The following MTA3 variants were observed in gnomAD, a reference collection of about 807,000 sequenced individuals.
The protein encoded by MTA3 is metastasis associated 1 family member 3, also known as metastasis-associated protein MTA3.
Under a neutral mutation model 83.5 loss-of-function variants are expected in MTA3, and 34 were observed. The observed-to-expected ratio is 0.41, with a 90% CI of 0.31 to 0.54. The LOEUF (loss-of-function observed/expected upper bound fraction) is 0.54. MTA3 is among the 20% of genes least tolerant of loss of function. The probability of loss-of-function intolerance (pLI) is 0.33; values close to 1 mark genes in which losing one functional copy is unlikely to be tolerated. For synonymous variants in MTA3, 303 were observed against 252.7 expected (o/e 1.20, Z -1.89); for missense variants, 761 against 726.4 (o/e 1.05, Z -0.55).
chr2:42,726,485 C>G (rs1291125818), intron 16 of MTA3, among the ~76,000 whole-genome samples: 1 of 152,078 alleles, frequency 6.6e-6, no homozygotes, highest in Non-Finnish European at 1.5e-5. Context: ...AGGTATACCT[C>G]CTAATGCTAT....
At chr2:42,563,773 A>C (rs1238987149), upstream of MTA3, among the ~76,000 whole-genome samples, 8 of 110,708 alleles carry the variant, frequency 7.2e-5, no homozygotes, top group Non-Finnish European at 2.0e-5. Context: ...GCCTGGACCA[A>C]ACATTCCTTC....
Position 42,754,698 on chromosome 2 carries a change from A to G in MTA3, c.*1299A>G. 1.0e-6 allele frequency: 1 copy of G among 985,534 alleles called. No homozygotes were observed. Among genetic ancestry groups the G allele is most frequent in the Non-Finnish European group, 1.2e-6 (1 of 829,974 alleles). The allele number at this position is 985,534 out of a possible 1,614,324, so 61.0% of individuals were successfully genotyped here. A position where few individuals can be genotyped will look rare whatever the true frequency, so the allele number is the denominator to read the frequency against. On this transcript the variant is annotated 3_prime_UTR_variant, in exon 17 of 17. Transcript: ENST00000405094. The stretch of plus-strand genomic sequence containing the variant: ...TCTCCCAGCCATCTCTGGGGTTACT[A>G]GGAGGCAGCTGGATGGCAGATACGA...
chr2:42,525,887 T>C (rs1189201517), intron 2 of MTA3, among the ~76,000 whole-genome samples: 3 of 151,700 alleles, frequency 2.0e-5, no homozygotes, highest in Non-Finnish European at 4.4e-5. Context: ...CTCAAACTCC[T>C]GAGCTCAGGC....
In MTA3 at chr2:42,556,468, G is replaced by A. The variant is rs1677397236; in HGVS notation, c.-140-13969G>A. Among the ~76,000 whole-genome samples, 4 of 152,172 alleles carry A rather than the reference G, an allele frequency of 2.6e-5. No individual in the cohort carries two copies. In the South Asian group the frequency reaches 8.3e-4, roughly 31 times the overall value. On this transcript the variant is annotated intron_variant, in intron 2 of 17. Coordinates refer to the MTA3 transcript ENST00000405592. ...TAAATATTTAGTTTAATCAGCACTG[G>A]CCCAAGTGCCTTTTCCATTTCCCCC...
intron 4 of MTA3, among the ~76,000 whole-genome samples, chr2:42,611,879 T>G (rs559673223): frequency 4.7e-4 from 72 of 152,294 alleles, no homozygotes; most frequent in Non-Finnish European, 7.4e-4. Flanking sequence ...CTGGCTGTGT[T>G]GCCCAGATTG....
chr2:42,752,456 A>G, intron 16 of MTA3: 1 of 353,878 alleles, frequency 2.8e-6, no homozygotes, highest in South Asian at 2.1e-5. Context: ...CAACTTTCTA[A>G]TACAACACGG....
chr2:42,565,401 C>G (rs950349348), upstream of MTA3, among the ~76,000 whole-genome samples: 1 of 150,164 alleles, frequency 6.7e-6, no homozygotes, highest in African/African-American at 2.5e-5. Flanking sequence ...TGCCTAGGCT[C>G]AAATGATCCT....
At chr2:42,747,637 C>T (rs1573844621) in intron 16 of MTA3, among the ~76,000 whole-genome samples, 1 of 151,512 alleles carries the variant, frequency 6.6e-6, no homozygotes, top group African/African-American at 2.4e-5. Context: ...GCTTGTTACA[C>T]TGTTGGGGCA....
chr2:42,684,491 G>A (rs926781304), intron 9 of MTA3, among the ~76,000 whole-genome samples: 3 of 152,150 alleles, frequency 2.0e-5, no homozygotes, highest in Admixed American at 1.3e-4. Flanking sequence ...TGTAGGATGC[G>A]CAGCTGAAAA....
chr2:42,582,232 G>C (rs989027202), intron 3 of MTA3, among the ~76,000 whole-genome samples: 4 of 151,882 alleles, frequency 2.6e-5, no homozygotes, highest in African/African-American at 9.7e-5. Flanking sequence ...TAATTTTTTT[G>C]TCTTTTCAGT....
At chr2:42,626,359 G>A (rs2104226562) in intron 4 of MTA3, among the ~76,000 whole-genome samples, 1 of 151,730 alleles carries the variant, frequency 6.6e-6, no homozygotes, top group Middle Eastern at 3.4e-3. Context: ...GTGCAGTGGT[G>A]TAATCTCGGC....
chr2:42,546,051 G>C (rs535940607), intron 2 of MTA3, among the ~76,000 whole-genome samples: 72 of 152,270 alleles, frequency 4.7e-4, no homozygotes, highest in Non-Finnish European at 8.8e-4. Flanking sequence ...ACTCCTGAAA[G>C]GGCAATTGGC....
At chr2:42,625,768 T>A (rs1032472211) in intron 4 of MTA3, among the ~76,000 whole-genome samples, 10 of 146,616 alleles carry the variant, frequency 6.8e-5, no homozygotes, top group East Asian at 4.0e-4. Flanking sequence ...AAAAAAAAAA[T>A]TTGTTTTCTG....
At chr2:42,594,521 A>G (rs528324488) in intron 3 of MTA3, among the ~76,000 whole-genome samples, 1 of 150,552 alleles carries the variant, frequency 6.6e-6, no homozygotes, top group African/African-American at 2.4e-5. Context: ...TACAGGTGGG[A>G]GCCACTGCAC....
At position 42,756,780 on chromosome 2, in the gene MTA3, T is replaced by A. The variant is rs942643066; in HGVS notation, c.*3381T>A. 8.1e-6 allele frequency: 8 copies of A among 985,342 alleles called. No homozygotes were observed. The highest frequency in any genetic ancestry group is 5.2e-4 in the Middle Eastern group (1 of 1,936). 61.0% of individuals were successfully genotyped at this position (985,342 alleles called of 1,614,324 possible). On this transcript the variant is annotated 3_prime_UTR_variant, in exon 17 of 17. Transcript: ENST00000405094. ...CTGTTCCTCTGCACTATGTCTCTGATTTTCCCTGCCAGGGAAGCTAACCCA... is the reference window on the plus strand; with the variant it reads ...CTGTTCCTCTGCACTATGTCTCTGAATTTCCCTGCCAGGGAAGCTAACCCA...
intron 3 of MTA3, among the ~76,000 whole-genome samples, chr2:42,607,784 C>G (rs1683663376): frequency 2.0e-5 from 3 of 152,252 alleles, no homozygotes; most frequent in East Asian, 3.9e-4. Flanking sequence ...AACCCTGTCT[C>G]TACTAAAAAT....
At chr2:42,724,762 T>G (rs1195756822) in intron 16 of MTA3, among the ~76,000 whole-genome samples, 2 of 152,244 alleles carry the variant, frequency 1.3e-5, no homozygotes, top group Admixed American at 6.5e-5. Flanking sequence ...ATACCTCTTC[T>G]GTTGCTCTTT....
At chr2:42,659,557 T>A (rs1188797049) in intron 7 of MTA3, 4 of 249,410 alleles carry the variant, frequency 1.6e-5, no homozygotes, top group Admixed American at 5.6e-5. Flanking sequence ...GATAACGACC[T>A]GTTTATAGTA....
chr2:42,633,015 A>T (rs1176280384), intron 4 of MTA3, among the ~76,000 whole-genome samples: 1 of 151,996 alleles, frequency 6.6e-6, no homozygotes, highest in East Asian at 1.9e-4. Flanking sequence ...CTGTAATCCC[A>T]GCACTTTGGG....
Sources: gnomAD v4.1 joint callset for allele counts (sites outside exome capture counted in the v4.1 genomes callset) on GRCh38, gnomAD v4.1.1 for gene constraint, MANE v1.5 for transcripts, NCBI Gene and HGNC (gene_info 2026-07-23, HGNC 2026-07-21) for gene names.